Variants in STX8 observed in about 807,000 individuals in gnomAD.
STX8 encodes the protein syntaxin-8.
Under a neutral mutation model 37.5 loss-of-function variants are expected in STX8, and 23 were observed. That is an observed-to-expected ratio of 0.61 (90% CI 0.44 to 0.87). The LOEUF is 0.87. STX8 is among the 40% of genes least tolerant of loss of function. The probability of loss-of-function intolerance (pLI) is 0.00; values close to 1 mark genes in which losing one functional copy is unlikely to be tolerated. For missense variants in STX8, 313 were observed against 284.7 expected (o/e 1.10, Z -0.71); for synonymous variants, 115 against 99.1 (o/e 1.16, Z -0.95).
chr17:9,292,433 T>C (rs532899331), intron 7 of STX8, among the ~76,000 whole-genome samples: 8 of 152,344 alleles, frequency 5.3e-5, no homozygotes, highest in African/African-American at 1.9e-4. Context: ...GGTGCTTTTC[T>C]AAGCCACAGC....
chr17:9,388,507 T>A (rs939319612), intron 6 of STX8, among the ~76,000 whole-genome samples: 1 of 151,238 alleles, frequency 6.6e-6, no homozygotes, highest in Non-Finnish European at 1.5e-5. Flanking sequence ...CAATTTGACA[T>A]AAACATATAC....
intron 7 of STX8, among the ~76,000 whole-genome samples, chr17:9,351,153 T>C (rs868282021): frequency 6.0e-5 from 9 of 150,452 alleles, no homozygotes; most frequent in African/African-American, 2.2e-4. Context: ...AATAATGTCA[T>C]AATAATGTAG....
chr17:9,329,693 G>C (rs1909900933), intron 7 of STX8, among the ~76,000 whole-genome samples: 1 of 152,262 alleles, frequency 6.6e-6, no homozygotes, highest in South Asian at 2.1e-4. Context: ...TGCAGCTGGA[G>C]CTGCCTGCCT....
chr17:9,488,821 A>T (rs12949624), intron 6 of STX8, among the ~76,000 whole-genome samples: 40,208 of 143,706 alleles, frequency 0.28, 5,825 homozygotes, highest in South Asian at 0.35. Context: ...AGAGAGAGAG[A>T]GTGTGTGTGT....
intron 1 of STX8, among the ~76,000 whole-genome samples, chr17:9,571,265 A>C (rs1366129604): frequency 1.3e-5 from 2 of 151,998 alleles, no homozygotes; most frequent in Admixed American, 6.6e-5. Flanking sequence ...ATCACTGGGG[A>C]ATCTTTAAAA....
At chr17:9,355,437 C>G (rs1007026412) in intron 7 of STX8, among the ~76,000 whole-genome samples, 1 of 150,384 alleles carries the variant, frequency 6.6e-6, no homozygotes, top group Non-Finnish European at 1.5e-5. Flanking sequence ...TGGGCTCAAG[C>G]AATCTCCTCT....
At chr17:9,300,260 G>A (rs891046498) in intron 7 of STX8, among the ~76,000 whole-genome samples, 1 of 150,908 alleles carries the variant, frequency 6.6e-6, no homozygotes, top group Non-Finnish European at 1.5e-5. Flanking sequence ...GAACCTGGGA[G>A]GAGGAGGTTG....
intron 4 of STX8, among the ~76,000 whole-genome samples, chr17:9,541,731 AC>A (rs137859552): frequency 0.011 from 1,681 of 152,266 alleles, 33 homozygotes; most frequent in African/African-American, 0.038. Flanking sequence ...AGAATCTTGA[AC>A]CCTCTGAGCC....
rs116638345 is a variant in STX8 at position 9,500,727 on chromosome 17, G to A, written c.448+4311C>T. 7.9e-3 allele frequency among the ~76,000 whole-genome samples: 1,198 copies of A among 152,332 alleles called. 13 individuals are homozygous for A. Among genetic ancestry groups the A allele is most frequent in the African/African-American group, 0.027 (1,131 of 41,562 alleles). ...TTAGAATAAAAGATATGAAGGCCGG[G>A]CGTGCTGGCTCACGCCTGTAATACC... is the stretch of plus-strand genomic sequence containing the variant. On this transcript the variant is annotated intron_variant, in intron 5 of 7. Transcript: ENST00000306357.
chr17:9,282,656 ACT>A (rs1185094122), intron 7 of STX8, among the ~76,000 whole-genome samples: 1 of 152,162 alleles, frequency 6.6e-6, no homozygotes, highest in African/African-American at 2.4e-5. Flanking sequence ...TCATCTTATA[ACT>A]CAGACTTAGC....
chr17:9,567,349 T>A (rs964257787), intron 2 of STX8, among the ~76,000 whole-genome samples: 5 of 152,216 alleles, frequency 3.3e-5, no homozygotes, highest in African/African-American at 1.2e-4. Flanking sequence ...TCAGCATTCT[T>A]AGTAGATTAG....
intron 5 of STX8, among the ~76,000 whole-genome samples, chr17:9,492,312 A>C (rs1471448466): frequency 6.6e-6 from 1 of 152,238 alleles, no homozygotes; most frequent in Non-Finnish European, 1.5e-5. Flanking sequence ...ATCGCTACTA[A>C]TTTTTTTAAA....
chr17:9,383,185 C>T (rs1911879062), intron 6 of STX8, among the ~76,000 whole-genome samples: 1 of 152,194 alleles, frequency 6.6e-6, no homozygotes, highest in Non-Finnish European at 1.5e-5. Flanking sequence ...GTGAGAATTT[C>T]TATTGTTTAT....
chr17:9,374,987 C>T (rs1911533246), intron 7 of STX8, among the ~76,000 whole-genome samples: 1 of 147,738 alleles, frequency 6.8e-6, no homozygotes, highest in African/African-American at 2.5e-5. Context: ...TCACTTGAAC[C>T]TGGGAGGCAG....
intron 7 of STX8, among the ~76,000 whole-genome samples, chr17:9,334,898 T>C (rs1461975792): frequency 6.6e-6 from 1 of 152,222 alleles, no homozygotes; most frequent in East Asian, 1.9e-4. Flanking sequence ...TATGTCAGTA[T>C]GTTCAGTTCT....
At chr17:9,343,894 C>A (rs754457990) in intron 7 of STX8, among the ~76,000 whole-genome samples, 1 of 152,040 alleles carries the variant, frequency 6.6e-6, no homozygotes, top group Non-Finnish European at 1.5e-5. Context: ...AATAAAAGCC[C>A]GACCTAATTA....
At chr17:9,329,478 G>A (rs1909892090) in intron 7 of STX8, among the ~76,000 whole-genome samples, 1 of 152,198 alleles carries the variant, frequency 6.6e-6, no homozygotes, top group South Asian at 2.1e-4. Flanking sequence ...CCAGTCACTG[G>A]GTGAGGGACA....
intron 3 of STX8, chr17:9,556,794 T>C (rs1196917780): frequency 0.014 from 359 of 26,554 alleles, 6 homozygotes; most frequent in African/African-American, 0.046. Flanking sequence ...TATATATATA[T>C]ACACATACAT....
chr17:9,575,678 C>T lies in STX8; in HGVS notation c.17+114G>A. The T allele has an allele frequency of 6.9e-6, 9 of 1,304,024 alleles. No homozygotes were observed. The South Asian group carries it at 1.2e-4, about 17-fold the overall frequency. 80.8% of individuals were successfully genotyped at this position (1,304,024 alleles called of 1,614,324 possible). On this transcript the variant is annotated intron_variant, in intron 1 of 7. Coordinates refer to ENST00000306357, the MANE Select transcript of STX8 (RefSeq NM_004853.3). Reference sequence around the variant, plus strand: ...TCAGTAAAGGAAAGGTCTCGCTGCCCCTCCCCTCATCCCGAAAGGCCACCA... The same window carrying T: ...TCAGTAAAGGAAAGGTCTCGCTGCCTCTCCCCTCATCCCGAAAGGCCACCA...
Sources: gnomAD v4.1 joint callset for allele counts (sites outside exome capture counted in the v4.1 genomes callset) on GRCh38, gnomAD v4.1.1 for gene constraint, MANE v1.5 for transcripts, NCBI Gene and HGNC (gene_info 2026-07-23, HGNC 2026-07-21) for gene names.